BMP6: variants seen among roughly 807,000 people sequenced by gnomAD.
BMP6 encodes bone morphogenetic protein 6.
BMP6 carries 17 observed loss-of-function variants against 54.1 expected under a neutral mutation model. That is an observed-to-expected ratio of 0.31 (90% CI 0.22 to 0.47). The LOEUF (loss-of-function observed/expected upper bound fraction) is 0.47. Among genes scored for constraint, BMP6 ranks in the 20% least tolerant of loss-of-function variants. The pLI is 1.00. For synonymous variants in BMP6, 328 were observed against 291.2 expected (o/e 1.13, Z -1.28); for missense variants, 720 against 690.4 (o/e 1.04, Z -0.48).
intron 1 of BMP6, among the ~76,000 whole-genome samples, chr6:7,843,879 C>A (rs189444320): frequency 6.6e-6 from 1 of 152,054 alleles, no homozygotes; most frequent in Non-Finnish European, 1.5e-5. Flanking sequence ...ATTTTAAAAA[C>A]GTATTTTTTC....
chr6:7,806,782 A>C (rs1186473272), intron 1 of BMP6, among the ~76,000 whole-genome samples: 1 of 152,122 alleles, frequency 6.6e-6, no homozygotes, highest in Admixed American at 6.5e-5. Context: ...TATCTTGTTG[A>C]ACTGTGATTG....
At chr6:7,841,738 G>C (rs910887485) in intron 1 of BMP6, among the ~76,000 whole-genome samples, 2 of 152,142 alleles carry the variant, frequency 1.3e-5, no homozygotes, top group African/African-American at 2.4e-5. Context: ...TCAGAGGCTC[G>C]TGGATGACAC....
At chr6:7,727,694 G>C (rs1761767545) in intron 1 of BMP6, 75 bp downstream of exon 1, 5 of 1,390,172 alleles carry the variant, frequency 3.6e-6, no homozygotes, top group Non-Finnish European at 4.6e-6. Flanking sequence ...GATGGAGTGA[G>C]GGGGTGGAGG....
At chr6:7,736,441 G>A (rs1283690740) in intron 1 of BMP6, among the ~76,000 whole-genome samples, 2 of 152,208 alleles carry the variant, frequency 1.3e-5, no homozygotes, top group South Asian at 2.1e-4. Context: ...TGTGACTTTA[G>A]AATTGAGAAA....
Position 7,828,398 on chromosome 6 carries a change from C to T in BMP6, c.665-16742C>T, listed in dbSNP as rs772869659. Among the ~76,000 whole-genome samples, 5 of 152,218 alleles carry T rather than the reference C, an allele frequency of 3.3e-5. No individual in the cohort carries two copies. In the East Asian group the frequency reaches 5.8e-4, roughly 18 times the overall value. On this transcript the variant is annotated intron_variant, in intron 1 of 6. Coordinates refer to ENST00000283147, the MANE Select transcript of BMP6 (RefSeq NM_001718.6). Reference sequence around the variant, plus strand: ...GCGCACGGCTGTGCTCAGAGATGTTCGTGCACCCTGCGGTGGTATTTTTCC... The same window carrying T: ...GCGCACGGCTGTGCTCAGAGATGTTTGTGCACCCTGCGGTGGTATTTTTCC...
intron 1 of BMP6, among the ~76,000 whole-genome samples, chr6:7,743,443 TCTC>T (rs1382240060): frequency 2.6e-5 from 4 of 152,238 alleles, no homozygotes; most frequent in Non-Finnish European, 5.9e-5. Flanking sequence ...GCACTGCTAT[TCTC>T]CTCTCAGTGT....
intron 1 of BMP6, among the ~76,000 whole-genome samples, chr6:7,810,422 G>C (rs1167071349): frequency 6.6e-6 from 1 of 152,238 alleles, no homozygotes; most frequent in Non-Finnish European, 1.5e-5. Context: ...TCCAGAGGCA[G>C]CTGGTGGCAG....
chr6:7,737,961 T>G (rs1436060099), intron 1 of BMP6, among the ~76,000 whole-genome samples: 1 of 150,568 alleles, frequency 6.6e-6, no homozygotes, highest in African/African-American at 2.5e-5. Flanking sequence ...TTTTGTAATA[T>G]TTTCTTCTTT....
At chr6:7,861,689 C>A in intron 3 of BMP6, 90 bp downstream of exon 3, 1 of 1,529,362 alleles carries the variant, frequency 6.5e-7, no homozygotes. Context: ...CCGTGGGCAA[C>A]AGGCAAGTCC....
chr6:7,861,145 G>A (rs975080082), intron 2 of BMP6, among the ~76,000 whole-genome samples: 2 of 151,716 alleles, frequency 1.3e-5, no homozygotes, highest in Non-Finnish European at 2.9e-5. Context: ...ATCCTAATTC[G>A]CAAAAAGATC....
At chr6:7,844,544 C>G (rs1403390432) in intron 1 of BMP6, among the ~76,000 whole-genome samples, 1 of 152,176 alleles carries the variant, frequency 6.6e-6, no homozygotes, top group Non-Finnish European at 1.5e-5. Flanking sequence ...AATATTTCCA[C>G]TGAACAGGCA....
At chr6:7,867,601 A>G (rs985719366) in intron 4 of BMP6, among the ~76,000 whole-genome samples, 1 of 152,224 alleles carries the variant, frequency 6.6e-6, no homozygotes, top group Non-Finnish European at 1.5e-5. Context: ...AGCAGTTTCT[A>G]GTTCTCCAGG....
intron 1 of BMP6, among the ~76,000 whole-genome samples, chr6:7,767,647 AT>A (rs1475290445): frequency 2.4e-4 from 36 of 152,300 alleles, no homozygotes; most frequent in African/African-American, 8.7e-4. Context: ...GCCAGAGATA[AT>A]TTCTTATCCA....
intron 1 of BMP6, among the ~76,000 whole-genome samples, chr6:7,778,344 T>C (rs1483249676): frequency 6.6e-6 from 1 of 152,256 alleles, no homozygotes; most frequent in Non-Finnish European, 1.5e-5. Context: ...AAAAGTGCTC[T>C]CTCATCGAAT....
Position 7,880,521 on chromosome 6 carries a change from T to A in BMP6, c.*178T>A. The A allele has an allele frequency of 1.2e-6, 1 of 830,152 alleles. No homozygotes were observed. Among genetic ancestry groups the A allele is most frequent in the Non-Finnish European group, 1.9e-6 (1 of 539,564 alleles). The allele number at this position is 830,152 out of a possible 1,614,324, so 51.4% of individuals were successfully genotyped here. A position where few individuals can be genotyped will look rare whatever the true frequency, so the allele number is the denominator to read the frequency against. On this transcript the variant is annotated 3_prime_UTR_variant, in exon 7 of 7. Coordinates refer to ENST00000283147, the MANE Select transcript of BMP6 (RefSeq NM_001718.6). ...CCTCATTAATAATTTGCTCACTTGGTAAATGACGTGAGTAGTTGTTGGTCT... is the reference window on the plus strand; with the variant it reads ...CCTCATTAATAATTTGCTCACTTGGAAAATGACGTGAGTAGTTGTTGGTCT...
intron 1 of BMP6, among the ~76,000 whole-genome samples, chr6:7,746,232 G>T (rs1757345511): frequency 6.6e-6 from 1 of 152,206 alleles, no homozygotes; most frequent in African/African-American, 2.4e-5. Flanking sequence ...GGAAGAGATT[G>T]CAAAGGTAGG....
chr6:7,854,242 G>C (rs902185371), intron 2 of BMP6, among the ~76,000 whole-genome samples: 1 of 152,138 alleles, frequency 6.6e-6, no homozygotes, highest in African/African-American at 2.4e-5. Context: ...TCCATACTAT[G>C]TTGTCCAGCT....
rs1170350442 is a variant in BMP6 at position 7,845,209 on chromosome 6, T to C, written c.734T>C (p.Ile245Thr). 3 of 1,614,044 alleles carry C rather than the reference T, an allele frequency of 1.9e-6. No individual in the cohort carries two copies. The highest frequency in any genetic ancestry group is 1.3e-5 in the African/African-American group (1 of 74,928). ...GAGTTCAAGTTCAACTTATCCCAGA[T>C]TCCTGAGGGTGAGGTGGTGACGGCT... ...HKEFKFNLSQ[I>T]PEGEVVTAAE... Residue 245 changes from isoleucine to threonine, a missense_variant, in exon 2 of 7, where the codon ATT becomes ACT. By Grantham distance (89) the Ile-to-Thr change is moderately conservative (BLOSUM62 -1). Transcript: ENST00000283147.
chr6:7,829,136 A>G (rs1758749207), intron 1 of BMP6, among the ~76,000 whole-genome samples: 1 of 152,244 alleles, frequency 6.6e-6, no homozygotes, highest in South Asian at 2.1e-4. Context: ...TCAGAAGTCC[A>G]CTGTGGAGAA....
Sources: gnomAD v4.1 joint callset for allele counts (sites outside exome capture counted in the v4.1 genomes callset) on GRCh38, gnomAD v4.1.1 for gene constraint, MANE v1.5 for transcripts, NCBI Gene and HGNC (gene_info 2026-07-23, HGNC 2026-07-21) for gene names.